NEB: variants seen among roughly 807,000 people sequenced by gnomAD.
NEB encodes nebulin, also known as nemaline myopathy type 2.
In NEB, 512 loss-of-function variants were observed where a neutral mutation model predicts 952.2. The ratio of observed to expected loss-of-function variants is 0.54; its 90% CI spans 0.50 to 0.58. The LOEUF (loss-of-function observed/expected upper bound fraction) is 0.58. Ranked by LOEUF, NEB falls within the 20% of genes least tolerant of loss-of-function variation. The pLI is 0.00. For synonymous variants in NEB, 2,900 were observed against 3,149.8 expected (o/e 0.92, Z 2.66); for missense variants, 8,428 against 9,231.1 (o/e 0.91, Z 3.56).
At chr2:151,654,165 G>T in intron 51 of NEB, 66 bp from the exon 52 acceptor site, 2 of 979,720 alleles carry the variant, frequency 2.0e-6, no homozygotes, top group Non-Finnish European at 2.9e-6. Flanking sequence ...GATTATTAGG[G>T]AAAAGTTTAC....
chr2:151,549,756 A>G lies in NEB; in HGVS notation c.19945-16T>C, dbSNP rs768202169. 4.1e-6 allele frequency: 6 copies of G among 1,481,466 alleles called. No individual in the cohort carries two copies. The highest frequency in any genetic ancestry group is 9.3e-7 in the Non-Finnish European group (1 of 1,078,226). The allele number at this position is 1,481,466 out of a possible 1,614,324, so 91.8% of individuals were successfully genotyped here. The stretch of plus-strand genomic sequence containing the variant: ...TGTATAGATTCTGCAGGAATGAGGA[A>G]GAGCAGGTTAAATGACATCGGGCAT... On this transcript the variant is annotated splice_polypyrimidine_tract_variant and intron_variant, in intron 129 of 181. Transcript: ENST00000397345.
At chr2:151,707,027 ACT>A in intron 12 of NEB, 30 bp from the exon 13 acceptor site, 2 of 1,404,708 alleles carry the variant, frequency 1.4e-6, no homozygotes, top group Non-Finnish European at 2.0e-6. Flanking sequence ...TGATAAAGTA[ACT>A]CTATGGGTTA....
intron 124 of NEB, among the ~76,000 whole-genome samples, chr2:151,557,300 C>G: frequency 6.6e-6 from 1 of 152,118 alleles, no homozygotes; most frequent in Middle Eastern, 3.2e-3. Flanking sequence ...CACATACACC[C>G]TCCCAAGACT....
In NEB at chr2:151,630,802, G is replaced by A. The variant is rs765037241; in HGVS notation, c.9636C>T (p.Ala3212=). Residue 3212 remains alanine, a synonymous_variant, in exon 67 of 182, where the codon GCC becomes GCT. Transcript: ENST00000397345. The part of the protein sequence containing the change: ...LNMNKRLYTE[A]WDKDKTQIHI... ...GAATTTGAGTCTTGTCTTTGTCCCA[G>A]GCCTCTGTGTATAAACGCTATAAAA... 2 of 1,609,574 alleles carry A rather than the reference G, an allele frequency of 1.2e-6. No individual in the cohort carries two copies. Among genetic ancestry groups the A allele is most frequent in the East Asian group, 4.5e-5 (2 of 44,772 alleles).
At chr2:151,621,965 A>G (rs2154030548) in intron 71 of NEB, among the ~76,000 whole-genome samples, 1 of 152,310 alleles carries the variant, frequency 6.6e-6, no homozygotes, top group Non-Finnish European at 1.5e-5. Context: ...TTTGATGGGC[A>G]ATAATGAATT....
At chr2:151,614,702 A>G in intron 76 of NEB, 115 bp from the exon 77 acceptor site, 2 of 1,239,348 alleles carry the variant, frequency 1.6e-6, no homozygotes, top group Non-Finnish European at 2.2e-6. Flanking sequence ...TGAAGGAGAA[A>G]AGTGAGTATC....
chr2:151,689,803 G>A (rs1318984921), intron 24 of NEB: 1 of 152,092 alleles, frequency 6.6e-6, no homozygotes, highest in African/African-American at 2.4e-5. Context: ...GTTCTTTATT[G>A]GGACACAAAA....
At chr2:151,502,600 T>C (rs536560975) in intron 167 of NEB, among the ~76,000 whole-genome samples, 193 bp downstream of exon 167, 3 of 152,204 alleles carry the variant, frequency 2.0e-5, no homozygotes, top group East Asian at 3.9e-4. Context: ...GTGATAAATA[T>C]CTATGTTTTA....
intron 65 of NEB, among the ~76,000 whole-genome samples, chr2:151,633,317 GA>G (rs2098704527): frequency 1.3e-5 from 2 of 152,118 alleles, no homozygotes; most frequent in African/African-American, 4.8e-5. Flanking sequence ...GGTTTGCAAA[GA>G]AGCCAAAAAC....
At position 151,678,882 on chromosome 2, in the gene NEB, C is replaced by T. The variant is rs564871448; in HGVS notation, c.3256-695G>A. Among the ~76,000 whole-genome samples, 17 of 152,154 alleles carry T rather than the reference C, an allele frequency of 1.1e-4. 1 individual carries two copies. In the South Asian group the frequency reaches 2.7e-3, roughly 24 times the overall value. ...CGGGTGGGACAGGGGCATTTCAGAA[C>T]GAGGACATTTGTTATTCAATCATCA... On this transcript the variant is annotated intron_variant, in intron 32 of 181. Transcript: ENST00000397345.
rs1045423936 is a variant in NEB at position 151,636,245 on chromosome 2, G to A, written c.9084C>T (p.Ser3028=). 1 of 1,609,464 alleles carries A rather than the reference G, an allele frequency of 6.2e-7. No homozygotes were observed. The highest frequency in any genetic ancestry group is 1.3e-5 in the African/African-American group (1 of 74,934). The change falls in exon 64 of 182, where the codon TCC becomes TCT. Residue 3028 remains serine, a synonymous_variant. Transcript: ENST00000397345. ...DAIPIVAAKA[S]RDIISDYKYK... ...AACTCACGTCACTGATGATGTCCCT[G>A]GAGGCCTTGGCCGCCACGATGGGGA...
chr2:151,520,039 CAAAAA>C (rs5835369), intron 153 of NEB: 14 of 159,030 alleles, frequency 8.8e-5, no homozygotes, highest in Non-Finnish European at 1.4e-4. Flanking sequence ...TAATGCAAAA[CAAAAA>C]AAAAAAAAAA....
At chr2:151,497,840 G>T in intron 170 of NEB, 122 bp from the exon 171 acceptor site, 1 of 1,521,956 alleles carries the variant, frequency 6.6e-7, no homozygotes, top group Non-Finnish European at 8.8e-7. Context: ...CTGACAAAAT[G>T]CCACCGACTA....
intron 76 of NEB, among the ~76,000 whole-genome samples, chr2:151,614,912 T>G (rs1201603075): frequency 6.6e-6 from 1 of 152,214 alleles, no homozygotes; most frequent in Non-Finnish European, 1.5e-5. Context: ...TACAATCTGA[T>G]GGAGCATAAC....
At chr2:151,540,055 T>A (rs1203253884) in intron 138 of NEB, among the ~76,000 whole-genome samples, 1 of 152,192 alleles carries the variant, frequency 6.6e-6, no homozygotes, top group Non-Finnish European at 1.5e-5. Context: ...ATTTTATGGA[T>A]AAGTAAATTA....
At position 151,553,828 on chromosome 2, in the gene NEB, A is replaced by G. The variant is rs190336010; in HGVS notation, c.19626T>C (p.Asp6542=). The change falls in exon 126 of 182, where the codon GAT becomes GAC. Residue 6542 remains aspartate (D), a splice_region_variant and synonymous_variant. Coordinates refer to ENST00000397345, the MANE Select transcript of NEB (RefSeq NM_001164508.2). The part of the protein sequence containing the change: ...HVRKVTDQIS[D]IVYKDDLNWL... ...GGTACTTCTTAAGTCACAGGCTTAC[A>G]TCGCTGATCTGATCTGTGACTTTCC... 1.6e-3 allele frequency: 2,565 copies of G among 1,607,176 alleles called. 5 individuals are homozygous for G. Among genetic ancestry groups the G allele is most frequent in the Non-Finnish European group, 1.9e-3 (2,271 of 1,175,604 alleles).
intron 178 of NEB, 115 bp downstream of exon 178, chr2:151,491,983 T>G: frequency 8.4e-7 from 1 of 1,192,912 alleles, no homozygotes; most frequent in Non-Finnish European, 1.2e-6. Context: ...TTCTTGCACC[T>G]CTAGAAAAAC....
At chr2:151,640,176 G>GT (rs2098829001) in intron 61 of NEB, 116 bp from the exon 62 acceptor site, 1 of 1,456,448 alleles carries the variant, frequency 6.9e-7, no homozygotes, top group Non-Finnish European at 9.4e-7. Flanking sequence ...GACGGGCCAG[G>GT]TATCACACAA....
intron 117 of NEB, among the ~76,000 whole-genome samples, 153 bp downstream of exon 117, chr2:151,564,891 A>G (rs1430225591): frequency 2.0e-5 from 3 of 152,216 alleles, no homozygotes; most frequent in Non-Finnish European, 2.9e-5. Context: ...CTTGAATAAC[A>G]TGGTACTTCT....
Sources: gnomAD v4.1 joint callset for allele counts (sites outside exome capture counted in the v4.1 genomes callset) on GRCh38, gnomAD v4.1.1 for gene constraint, MANE v1.5 for transcripts, NCBI Gene and HGNC (gene_info 2026-07-23, HGNC 2026-07-21) for gene names.